Variants in LRMDA observed in about 807,000 individuals in gnomAD.
LRMDA encodes leucine rich melanocyte differentiation associated, also known as leucine-rich melanocyte differentiation-associated protein.
A neutral mutation model predicts 29.8 loss-of-function variants in LRMDA; 18 were observed. The ratio of observed to expected loss-of-function variants is 0.60; its 90% CI spans 0.42 to 0.90. The LOEUF is 0.90. Ranked by LOEUF, LRMDA falls within the 40% of genes least tolerant of loss-of-function variation. The pLI is 0.00. For synonymous variants in LRMDA, 125 were observed against 109.4 expected (o/e 1.14, Z -0.89); for missense variants, 273 against 273.9 (o/e 1.00, Z 0.02).
intron 2 of LRMDA, among the ~76,000 whole-genome samples, chr10:75,938,055 C>G (rs1184645158): frequency 6.6e-6 from 1 of 152,152 alleles, no homozygotes; most frequent in Non-Finnish European, 1.5e-5. Context: ...AATTGTAGGA[C>G]AAATAAGGGG....
At chr10:75,852,608 A>G (rs1844751507) in intron 2 of LRMDA, among the ~76,000 whole-genome samples, 1 of 152,104 alleles carries the variant, frequency 6.6e-6, no homozygotes, top group Non-Finnish European at 1.5e-5. Context: ...CAGCTTTGAG[A>G]TGTGATCCTG....
intron 2 of LRMDA, among the ~76,000 whole-genome samples, chr10:75,753,539 C>T (rs985731509): frequency 6.6e-6 from 1 of 151,790 alleles, no homozygotes; most frequent in South Asian, 2.1e-4. Context: ...GTGCAAAGGC[C>T]CCAGGCAAGT....
chr10:76,466,979 C>G (rs562244307), intron 6 of LRMDA, among the ~76,000 whole-genome samples: 1 of 152,292 alleles, frequency 6.6e-6, no homozygotes, highest in Admixed American at 6.5e-5. Context: ...AAGGATGTAT[C>G]ATCACTTACT....
Position 75,582,207 on chromosome 10 carries a change from T to C in LRMDA, c.131+143713T>C, listed in dbSNP as rs373611828. On this transcript the variant is annotated intron_variant, in intron 2 of 6. Coordinates refer to ENST00000611255, the MANE Select transcript of LRMDA (RefSeq NM_001305581.2). ...CTAAACAGTGCCCCACTGGGGACTC[T>C]GTGTGGGGGCTCCAACTTCACATAT... Among the ~76,000 whole-genome samples, 58 of 152,330 alleles carry C rather than the reference T, an allele frequency of 3.8e-4. No homozygotes were observed. The East Asian group carries it at 0.01, about 26-fold the overall frequency.
chr10:75,726,780 A>G (rs1485210736), intron 2 of LRMDA, among the ~76,000 whole-genome samples: 3 of 152,200 alleles, frequency 2.0e-5, no homozygotes, highest in African/African-American at 4.8e-5. Flanking sequence ...GAAGTCTACT[A>G]CTTGCTGTGT....
At chr10:75,525,592 C>CTTTTTTTTTTTT (rs11415547) in intron 2 of LRMDA, among the ~76,000 whole-genome samples, 8 of 129,706 alleles carry the variant, frequency 6.2e-5, no homozygotes, top group Non-Finnish European at 1.1e-4. Context: ...TTCTTTCTTT[C>CTTTTTTTTTTTT]TTTTTTTTTT....
chr10:75,610,146 T>C (rs1482685412), intron 2 of LRMDA, among the ~76,000 whole-genome samples: 2 of 152,224 alleles, frequency 1.3e-5, no homozygotes, highest in Non-Finnish European at 2.9e-5. Context: ...TTTGCCATTG[T>C]AACCATTTGA....
At chr10:76,140,940 G>T (rs980786605) in intron 5 of LRMDA, among the ~76,000 whole-genome samples, 1 of 151,914 alleles carries the variant, frequency 6.6e-6, no homozygotes, top group Admixed American at 6.6e-5. Context: ...TATTCTTTGA[G>T]TCCAACCAAC....
chr10:76,421,017 A>C (rs1842066542), intron 6 of LRMDA, among the ~76,000 whole-genome samples: 1 of 152,144 alleles, frequency 6.6e-6, no homozygotes, highest in Non-Finnish European at 1.5e-5. Flanking sequence ...GCGTGTGTGT[A>C]TATACATGTG....
At chr10:76,068,174 C>T (rs923463168) in intron 5 of LRMDA, among the ~76,000 whole-genome samples, 1 of 152,206 alleles carries the variant, frequency 6.6e-6, no homozygotes, top group Non-Finnish European at 1.5e-5. Flanking sequence ...TATTTCCAAA[C>T]CACCTGCTAC....
At chr10:75,897,245 A>C (rs775635750) in intron 2 of LRMDA, among the ~76,000 whole-genome samples, 3 of 152,248 alleles carry the variant, frequency 2.0e-5, no homozygotes, top group Non-Finnish European at 4.4e-5. Flanking sequence ...ATTTTCTATC[A>C]ACAATTCTTT....
At chr10:76,009,077 G>A (rs1847725624) in intron 2 of LRMDA, among the ~76,000 whole-genome samples, 1 of 152,190 alleles carries the variant, frequency 6.6e-6, no homozygotes, top group African/African-American at 2.4e-5. Flanking sequence ...TTGCTCAGGT[G>A]CAGGTAATAA....
At chr10:76,196,191 A>G (rs1851329050) in intron 5 of LRMDA, among the ~76,000 whole-genome samples, 1 of 152,250 alleles carries the variant, frequency 6.6e-6, no homozygotes, top group African/African-American at 2.4e-5. Context: ...ATTAACAGGA[A>G]GTGAAACATT....
chr10:76,148,349 CG>C (rs1394071833), intron 5 of LRMDA, among the ~76,000 whole-genome samples: 3 of 152,192 alleles, frequency 2.0e-5, no homozygotes, highest in Non-Finnish European at 2.9e-5. Context: ...TCTAGCTTCC[CG>C]GCTGCTTTGT....
intron 2 of LRMDA, among the ~76,000 whole-genome samples, chr10:75,607,824 GTTTTTTTTTT>G (rs5786180): frequency 5.5e-5 from 4 of 72,298 alleles, no homozygotes; most frequent in Non-Finnish European, 5.4e-5. Flanking sequence ...TGATTCAGTG[GTTTTTTTTTT>G]TTTTTTTTTT....
At chr10:75,487,292 A>C (rs1377899928) in intron 2 of LRMDA, among the ~76,000 whole-genome samples, 3 of 152,222 alleles carry the variant, frequency 2.0e-5, no homozygotes, top group South Asian at 4.1e-4. Flanking sequence ...CTTTGTCAGC[A>C]AAAACTGTAT....
Position 76,496,178 on chromosome 10 carries a change from C to G in LRMDA, c.602-61031C>G, listed in dbSNP as rs556516348. Reference sequence around the variant, plus strand: ...TTGGTGGGAACATGAACTATCCCAGCTCTGTGTAATGTCTGAAGATTGTTT... The same window carrying G: ...TTGGTGGGAACATGAACTATCCCAGGTCTGTGTAATGTCTGAAGATTGTTT... On this transcript the variant is annotated intron_variant, in intron 6 of 6. Transcript: ENST00000611255. Among the ~76,000 whole-genome samples, 2 of 75,034 alleles carry G rather than the reference C, an allele frequency of 2.7e-5. 1 individual carries two copies. Among genetic ancestry groups the G allele is most frequent in the South Asian group, 7.1e-4 (2 of 2,836 alleles). The allele number at this position is 75,034 out of a possible 152,430, so 49.2% of individuals were successfully genotyped here. A position where few individuals can be genotyped will look rare whatever the true frequency, so the allele number is the denominator to read the frequency against.
chr10:75,592,563 C>A (rs982270458), intron 2 of LRMDA, among the ~76,000 whole-genome samples: 2 of 152,178 alleles, frequency 1.3e-5, no homozygotes, highest in Non-Finnish European at 2.9e-5. Context: ...GATATTAATT[C>A]ATCGGTAATG....
chr10:76,305,096 C>T (rs191682240), intron 5 of LRMDA, among the ~76,000 whole-genome samples: 1 of 152,278 alleles, frequency 6.6e-6, no homozygotes, highest in Non-Finnish European at 1.5e-5. Flanking sequence ...CTTTGTGTGT[C>T]TCACTACCAT....
Sources: gnomAD v4.1 joint callset for allele counts (sites outside exome capture counted in the v4.1 genomes callset) on GRCh38, gnomAD v4.1.1 for gene constraint, MANE v1.5 for transcripts, NCBI Gene and HGNC (gene_info 2026-07-23, HGNC 2026-07-21) for gene names.